ANKRD17: variants seen among roughly 807,000 people sequenced by gnomAD.
ANKRD17 encodes ankyrin repeat domain 17, also known as ankyrin repeat domain-containing protein 17.
ANKRD17 carries 19 observed loss-of-function variants against 229.7 expected under a neutral mutation model. The ratio of observed to expected loss-of-function variants is 0.08; its 90% confidence interval spans 0.06 to 0.12. ANKRD17 has a LOEUF of 0.12. Among genes scored for constraint, ANKRD17 ranks in the 10% least tolerant of loss-of-function variants. The probability of loss-of-function intolerance (pLI) is 1.00; values close to 1 mark genes in which losing one functional copy is unlikely to be tolerated. For missense variants in ANKRD17, 2,176 were observed against 3,176.8 expected (o/e 0.68, Z 7.57); for synonymous variants, 1,112 against 1,146.1 (o/e 0.97, Z 0.60).
At chr4:73,226,672 C>T (rs746898225) in intron 1 of ANKRD17, among the ~76,000 whole-genome samples, 7 of 151,974 alleles carry the variant, frequency 4.6e-5, no homozygotes, top group African/African-American at 1.7e-4. Context: ...GGATTACAGG[C>T]GTGAGCCACC....
At chr4:73,152,294 A>G (rs1397603700) in intron 6 of ANKRD17, among the ~76,000 whole-genome samples, 1 of 152,166 alleles carries the variant, frequency 6.6e-6, no homozygotes, top group African/African-American at 2.4e-5. Flanking sequence ...GTAAACAATT[A>G]AACAAAATTT....
rs1307855839 is a variant in ANKRD17, at chr4:73,223,018, T to C, written c.393+35258A>G. The C allele has an allele frequency of 1.0e-5, 16 of 1,536,036 alleles. No individual in the cohort carries two copies. In the East Asian group the frequency reaches 3.9e-4, roughly 38 times the overall value. On this transcript the variant is annotated intron_variant, in intron 1 of 33. Coordinates refer to ENST00000358602, the MANE Select transcript of ANKRD17 (RefSeq NM_032217.5). ...ACATATGCTTCCATTTCAGCCGCTG[T>C]CTCCACCATGTTTTATCAAACTGCC...
At chr4:73,117,578 C>T (rs1268481082) in intron 22 of ANKRD17, among the ~76,000 whole-genome samples, 5 of 152,146 alleles carry the variant, frequency 3.3e-5, no homozygotes, top group African/African-American at 7.2e-5. Flanking sequence ...TACAGAGTCA[C>T]TGGTAGTCCA....
chr4:73,086,831 G>A (rs531726948), intron 29 of ANKRD17, among the ~76,000 whole-genome samples: 11 of 139,010 alleles, frequency 7.9e-5, no homozygotes, highest in Non-Finnish European at 1.5e-4. Flanking sequence ...CTGGGAGGCG[G>A]AGGTTGCAGT....
At chr4:73,230,314 T>C (rs1742919242) in intron 1 of ANKRD17, among the ~76,000 whole-genome samples, 1 of 152,138 alleles carries the variant, frequency 6.6e-6, no homozygotes, top group African/African-American at 2.4e-5. Context: ...AATATTCAAA[T>C]AATTAAAGAT....
At position 73,250,410 on chromosome 4, in the gene ANKRD17, G is replaced by GGTC. The variant is rs1744884785; in HGVS notation, c.393+7865_393+7866insGAC. Among the ~76,000 whole-genome samples the GGTC allele has an allele frequency of 2.0e-5, 3 of 151,600 alleles. No homozygotes were observed. In the South Asian group the frequency reaches 6.3e-4, roughly 32 times the overall value. On this transcript the variant is annotated intron_variant, in intron 1 of 33. Transcript: ENST00000358602. Reference sequence around the variant, plus strand: ...GGAGCCGGGAGTTTGCGACCAGCCGGGCAAACATGGTGAAACCCTAACTCT... The same window carrying GGTC: ...GGAGCCGGGAGTTTGCGACCAGCCGGGTCGCAAACATGGTGAAACCCTAACTCT...
chr4:73,091,140 G>T lies in ANKRD17; in HGVS notation c.6488C>A (p.Pro2163Gln), dbSNP rs143393803. 23 of 1,614,010 alleles carry T rather than the reference G, an allele frequency of 1.4e-5. No homozygotes were observed. Among genetic ancestry groups the T allele is most frequent in the Non-Finnish European group, 1.8e-5 (21 of 1,180,030 alleles). The stretch of plus-strand genomic sequence containing the variant: ...AGGAGTAGGCTGGGGGCATCCCATT[G>T]GTGTCTGAGGCATAGGGTAAGTCAC... ...APVTYPMPQT[P>Q]MGCPQPTPKM... Residue 2163 changes from proline (P) to glutamine (Q), a missense_variant, in exon 29 of 34, where the codon CCA becomes CAA. Around this residue, in one of 18 missense-constraint regions of ANKRD17, gnomAD observed 424 missense variants for 454.0 expected, o/e 0.93. Transcript: ENST00000358602.
chr4:73,193,887 GCGACACTGCACTC>G (rs1737474166), intron 1 of ANKRD17, among the ~76,000 whole-genome samples: 3 of 152,198 alleles, frequency 2.0e-5, no homozygotes. Flanking sequence ...ACCCATGATT[GCGACACTGCACTC>G]TAGCCTGGGT....
At chr4:73,118,166 G>A (rs970113755) in intron 22 of ANKRD17, among the ~76,000 whole-genome samples, 3 of 152,014 alleles carry the variant, frequency 2.0e-5, no homozygotes, top group Non-Finnish European at 4.4e-5. Context: ...ATTAGCACAT[G>A]TCACCACGCT....
At chr4:73,245,533 G>A (rs1744419415) in intron 1 of ANKRD17, among the ~76,000 whole-genome samples, 1 of 152,130 alleles carries the variant, frequency 6.6e-6, no homozygotes, top group Non-Finnish European at 1.5e-5. Context: ...TAAGCCCATG[G>A]ATTCCACCTT....
Position 73,121,607 on chromosome 4 carries a change from T to C in ANKRD17, c.3635+10A>G. 1 of 1,613,564 alleles carries C rather than the reference T, an allele frequency of 6.2e-7. No homozygotes were observed. Among genetic ancestry groups the C allele is most frequent in the South Asian group, 1.1e-5 (1 of 91,058 alleles). On this transcript the variant is annotated intron_variant, in intron 19 of 33. Transcript: ENST00000358602. The stretch of plus-strand genomic sequence containing the variant: ...AAATAAGGGGCTTACAGAAAGGGAA[T>C]ACAACTTGCCTAGAGTTAATCTCAG...
In ANKRD17 at chr4:73,225,291, TG is replaced by T. The variant is rs996998806; in HGVS notation, c.393+32984del. Among the ~76,000 whole-genome samples the T allele has an allele frequency of 3.3e-5, 5 of 152,312 alleles. No individual in the cohort carries two copies. The East Asian group carries it at 9.6e-4, about 29-fold the overall frequency. ...AGGTTTGAGTTCAAGGAACGTATGC[TG>T]GAACACTCTCCTTTTCCATAAACCA... is the stretch of plus-strand genomic sequence containing the variant. On this transcript the variant is annotated intron_variant, in intron 1 of 33. Coordinates refer to ENST00000358602, the MANE Select transcript of ANKRD17 (RefSeq NM_032217.5).
intron 1 of ANKRD17, among the ~76,000 whole-genome samples, chr4:73,238,667 C>T (rs188221622): frequency 9.9e-5 from 15 of 152,058 alleles, no homozygotes; most frequent in Non-Finnish European, 2.2e-4. Context: ...TTGAGTAAGA[C>T]GGTATTCATA....
chr4:73,233,732 T>C (rs946134195), intron 1 of ANKRD17, among the ~76,000 whole-genome samples: 1 of 152,186 alleles, frequency 6.6e-6, no homozygotes, highest in Non-Finnish European at 1.5e-5. Flanking sequence ...GAAAATGCAA[T>C]TGTCCTCACA....
intron 16 of ANKRD17, among the ~76,000 whole-genome samples, chr4:73,132,483 T>A (rs961229166): frequency 1.3e-5 from 2 of 152,088 alleles, no homozygotes; most frequent in African/African-American, 4.8e-5. Context: ...TTGAACAGTA[T>A]TTTTTTCCAA....
Position 73,091,503 on chromosome 4 carries a change from G to A in ANKRD17, c.6125C>T (p.Ser2042Phe). Residue 2042 changes from serine to phenylalanine, a missense_variant, in exon 29 of 34, where the codon TCC becomes TTC. Transcript: ENST00000358602. Reference sequence around the variant, plus strand: ...GGCTGGTGGTGATGGGGAAGATGGGGATGATACTGGATAGTGTTCTTTGGC... The same window carrying A: ...GGCTGGTGGTGATGGGGAAGATGGGAATGATACTGGATAGTGTTCTTTGGC... Reference protein sequence around the residue: ...PTAKEHYPVSSPSSPSPPAQP... With the variant: ...PTAKEHYPVSFPSSPSPPAQP... The A allele has an allele frequency of 6.2e-7, 1 of 1,614,178 alleles. No homozygotes were observed. Among genetic ancestry groups the A allele is most frequent in the African/African-American group, 1.3e-5 (1 of 75,048 alleles).
intron 1 of ANKRD17, among the ~76,000 whole-genome samples, chr4:73,208,049 C>T (rs1489483580): frequency 2.6e-5 from 4 of 151,918 alleles, no homozygotes; most frequent in South Asian, 4.2e-4. Context: ...ATTCTCCAGG[C>T]GTGGTGGTGG....
At chr4:73,126,677 G>A (rs1426154072) in intron 16 of ANKRD17, among the ~76,000 whole-genome samples, 1 of 152,132 alleles carries the variant, frequency 6.6e-6, no homozygotes, top group Non-Finnish European at 1.5e-5. Context: ...TTCATACTCT[G>A]TTATAGTTTC....
chr4:73,246,900 A>G (rs1229179785), intron 1 of ANKRD17, among the ~76,000 whole-genome samples: 1 of 152,206 alleles, frequency 6.6e-6, no homozygotes, highest in Non-Finnish European at 1.5e-5. Context: ...TGAAAAACAA[A>G]GTACAAAGAA....
Sources: gnomAD v4.1 joint callset for allele counts (sites outside exome capture counted in the v4.1 genomes callset) on GRCh38, gnomAD v4.1.1 for gene constraint, gnomAD v4.1.1 regional missense constraint, MANE v1.5 for transcripts, NCBI Gene and HGNC (gene_info 2026-07-23, HGNC 2026-07-21) for gene names.